HECW1: variants seen among roughly 807,000 people sequenced by gnomAD.
HECW1 encodes the protein HECT, C2 and WW domain containing E3 ubiquitin protein ligase 1.
HECW1 carries 61 observed loss-of-function variants against 182.3 expected under a neutral mutation model. The observed-to-expected ratio is 0.33, with a 90% CI of 0.27 to 0.41. The LOEUF is 0.41. Ranked by LOEUF, HECW1 falls within the 10% of genes least tolerant of loss-of-function variation. The pLI is 1.00. For synonymous variants in HECW1, 859 were observed against 832.6 expected, an observed-to-expected ratio of 1.03 and a Z score of -0.55; for missense variants, 1,739 against 2,108.9, an observed-to-expected ratio of 0.82 and a Z score of 3.44.
At chr7:43,209,206 T>C (rs1230756453) in intron 2 of HECW1, among the ~76,000 whole-genome samples, 1 of 152,034 alleles carries the variant, frequency 6.6e-6, no homozygotes, top group African/African-American at 2.4e-5. Flanking sequence ...ATCTTGCCCA[T>C]GATCGCCATC....
At chr7:43,530,089 A>T in intron 24 of HECW1, among the ~76,000 whole-genome samples, 1 of 148,586 alleles carries the variant, frequency 6.7e-6, no homozygotes, top group Admixed American at 6.7e-5. Flanking sequence ...AGCTGGGATT[A>T]CAGGCCTGTG....
Position 43,501,237 on chromosome 7 carries a change from C to T in HECW1, c.3546C>T (p.Ser1182=). 6.5e-7 allele frequency: 1 copy of T among 1,538,080 alleles called. No individual in the cohort carries two copies. The highest frequency in any genetic ancestry group is 1.7e-5 in the Admixed American group (1 of 58,506). ...LLSLFEEEIM[S]YVPLQAAFHP... is the part of the protein sequence containing the mutation. Reference sequence around the variant, plus strand: ...GTCTCTTTGAAGAAGAGATTATGTCCTACGTCCCCCTGCAGGCTGCCTTCC... The same window carrying T: ...GTCTCTTTGAAGAAGAGATTATGTCTTACGTCCCCCTGCAGGCTGCCTTCC... Residue 1182 remains serine, a synonymous_variant, in exon 21 of 30, where the codon TCC becomes TCT. Coordinates refer to ENST00000395891, the MANE Select transcript of HECW1 (RefSeq NM_015052.5).
intron 2 of HECW1, among the ~76,000 whole-genome samples, chr7:43,149,174 G>C (rs1278531183): frequency 6.6e-6 from 1 of 152,036 alleles, no homozygotes; most frequent in African/African-American, 2.4e-5. Flanking sequence ...TGATTACAAA[G>C]AAAAAATAAT....
At chr7:43,323,750 G>T (rs953428984) in intron 5 of HECW1, among the ~76,000 whole-genome samples, 2 of 152,128 alleles carry the variant, frequency 1.3e-5, no homozygotes, top group African/African-American at 4.8e-5. Context: ...TGGCTTGACC[G>T]TGCGCGGTGA....
At chr7:43,378,444 A>G (rs981635526) in intron 6 of HECW1, among the ~76,000 whole-genome samples, 23 of 152,270 alleles carry the variant, frequency 1.5e-4, no homozygotes, top group Non-Finnish European at 3.2e-4. Context: ...GAGCTCTCTC[A>G]GATAACCTGC....
chr7:43,254,583 G>A (rs1328061087), intron 3 of HECW1, among the ~76,000 whole-genome samples: 1 of 152,132 alleles, frequency 6.6e-6, no homozygotes, highest in East Asian at 1.9e-4. Context: ...ACAATCTGCT[G>A]ACACCATACT....
chr7:43,325,788 G>A (rs1349602325), intron 5 of HECW1, among the ~76,000 whole-genome samples: 2 of 152,136 alleles, frequency 1.3e-5, no homozygotes, highest in Non-Finnish European at 2.9e-5. Flanking sequence ...CTTAGGCTCG[G>A]CCTGTCTTGC....
chr7:43,242,742 T>G (rs917252939), intron 2 of HECW1, among the ~76,000 whole-genome samples: 3 of 152,132 alleles, frequency 2.0e-5, no homozygotes, highest in African/African-American at 7.2e-5. Context: ...AGGAAGGCAG[T>G]GCAGGGGAGC....
intron 7 of HECW1, among the ~76,000 whole-genome samples, chr7:43,404,323 A>G (rs2075531028): frequency 1.3e-5 from 2 of 152,236 alleles, no homozygotes; most frequent in South Asian, 4.1e-4. Flanking sequence ...TGTGCTCTTG[A>G]GTAGAAGTCT....
At chr7:43,293,850 G>A (rs1369440518) in intron 3 of HECW1, among the ~76,000 whole-genome samples, 1 of 152,168 alleles carries the variant, frequency 6.6e-6, no homozygotes, top group Non-Finnish European at 1.5e-5. Flanking sequence ...GAGGTGAGCA[G>A]CAGCAAGCAA....
chr7:43,141,289 C>T (rs1429641600), intron 2 of HECW1, among the ~76,000 whole-genome samples: 1 of 152,132 alleles, frequency 6.6e-6, no homozygotes, highest in Non-Finnish European at 1.5e-5. Flanking sequence ...CCCCCACGGC[C>T]CTGGAATCTC....
intron 3 of HECW1, among the ~76,000 whole-genome samples, chr7:43,269,016 A>AAC (rs1802091496): frequency 6.6e-6 from 1 of 151,894 alleles, no homozygotes; most frequent in African/African-American, 2.4e-5. Flanking sequence ...TTTTTAAGTA[A>AAC]ACAGTGCCAC....
chr7:43,219,348 T>C (rs1192757778), intron 2 of HECW1, among the ~76,000 whole-genome samples: 1 of 152,130 alleles, frequency 6.6e-6, no homozygotes, highest in Non-Finnish European at 1.5e-5. Context: ...ACGAAAACTT[T>C]CCAAGGACCC....
chr7:43,558,265 G>A (rs767974225), intron 29 of HECW1, among the ~76,000 whole-genome samples: 3 of 152,182 alleles, frequency 2.0e-5, no homozygotes, highest in Non-Finnish European at 4.4e-5. Context: ...ATAAAGGAGA[G>A]GGGAGAATCT....
intron 13 of HECW1, among the ~76,000 whole-genome samples, chr7:43,460,192 T>C (rs1377438086): frequency 2.6e-5 from 4 of 152,252 alleles, no homozygotes; most frequent in Admixed American, 6.5e-5. Flanking sequence ...AATGTGGATT[T>C]GGCATTTGGT....
chr7:43,197,707 C>G (rs1177621689), intron 2 of HECW1, among the ~76,000 whole-genome samples: 2 of 152,120 alleles, frequency 1.3e-5, no homozygotes, highest in African/African-American at 4.8e-5. Context: ...AGGGGGATGT[C>G]AGTTTGCTGG....
At chr7:43,145,843 T>A (rs1398457525) in intron 2 of HECW1, among the ~76,000 whole-genome samples, 2 of 151,762 alleles carry the variant, frequency 1.3e-5, no homozygotes, top group East Asian at 1.9e-4. Flanking sequence ...TAAAAAAAAA[T>A]AATAATAACA....
intron 24 of HECW1, among the ~76,000 whole-genome samples, chr7:43,510,507 G>T (rs1310809371): frequency 6.6e-6 from 1 of 152,096 alleles, no homozygotes; most frequent in Non-Finnish European, 1.5e-5. Flanking sequence ...AATGAGCAAG[G>T]TCTCATGCCT....
chr7:43,309,962 A>T (rs1298303471), intron 3 of HECW1, among the ~76,000 whole-genome samples: 1 of 152,206 alleles, frequency 6.6e-6, no homozygotes, highest in Non-Finnish European at 1.5e-5. Context: ...GTCTCATTAA[A>T]TTCTGACAAC....
Sources: allele counts gnomAD v4.1 joint callset (sites outside exome capture counted in the v4.1 genomes callset), GRCh38; gene constraint gnomAD v4.1.1; transcripts MANE v1.5; gene names NCBI Gene and HGNC (gene_info 2026-07-23, HGNC 2026-07-21).